Variants in DLG1 observed in about 807,000 individuals in gnomAD.
The protein encoded by DLG1 is disks large homolog 1.
A neutral mutation model predicts 123.4 loss-of-function variants in DLG1; 42 were observed. The observed-to-expected ratio is 0.34, with a 90% CI of 0.27 to 0.44. The LOEUF (loss-of-function observed/expected upper bound fraction) is 0.44, where lower values mean the gene tolerates loss of function less well. Among genes scored for constraint, DLG1 ranks in the 20% least tolerant of loss-of-function variants. The pLI is 1.00. For missense variants in DLG1, 942 were observed against 1,082.6 expected, an observed-to-expected ratio of 0.87 and a Z score of 1.82; for synonymous variants, 317 against 356.2, an observed-to-expected ratio of 0.89 and a Z score of 1.24.
intron 5 of DLG1, chr3:197,183,937 T>C (rs770862129): frequency 8.4e-6 from 12 of 1,435,212 alleles, no homozygotes; most frequent in Non-Finnish European, 1.0e-5. Flanking sequence ...AATAAAAACC[T>C]TGAGAAATGA....
At chr3:197,108,217 G>A (rs1424226909) in intron 13 of DLG1, among the ~76,000 whole-genome samples, 1 of 152,000 alleles carries the variant, frequency 6.6e-6, no homozygotes, top group South Asian at 2.1e-4. Flanking sequence ...TTATTTTGTT[G>A]ATTTTTACAT....
chr3:197,197,008 C>A (rs1722892011), intron 4 of DLG1, among the ~76,000 whole-genome samples: 2 of 152,176 alleles, frequency 1.3e-5, no homozygotes, highest in Admixed American at 1.3e-4. Context: ...AAAAAAGCCT[C>A]ATTCTTGAAA....
chr3:197,065,615 A>T, intron 21 of DLG1, 93 bp downstream of exon 21: 1 of 1,048,530 alleles, frequency 9.5e-7, no homozygotes, highest in South Asian at 1.5e-5. Flanking sequence ...AATAAGTACA[A>T]ACCATTAAAA....
At chr3:197,154,722 T>G (rs1360600125) in intron 5 of DLG1, among the ~76,000 whole-genome samples, 1 of 151,840 alleles carries the variant, frequency 6.6e-6, no homozygotes, top group Non-Finnish European at 1.5e-5. Flanking sequence ...AAGAAAGTGC[T>G]GTATGAACGA....
intron 4 of DLG1, among the ~76,000 whole-genome samples, chr3:197,229,328 A>T (rs966110250): frequency 2.6e-5 from 4 of 151,528 alleles, no homozygotes; most frequent in African/African-American, 9.7e-5. Context: ...GTCCATCTCT[A>T]AAAAAAATAT....
intron 4 of DLG1, among the ~76,000 whole-genome samples, chr3:197,249,585 C>A (rs551901039): frequency 2.0e-4 from 30 of 152,022 alleles, no homozygotes; most frequent in Non-Finnish European, 3.7e-4. Flanking sequence ...CACTGTGATT[C>A]CAAAACCAGA....
At chr3:197,050,466 TATACAACAATGGA>T in intron 24 of DLG1, among the ~76,000 whole-genome samples, 1 of 152,042 alleles carries the variant, frequency 6.6e-6, no homozygotes, top group East Asian at 1.9e-4. Context: ...ATATGGTATA[TATACAACAATGGA>T]ATATTTTATT....
intron 11 of DLG1, among the ~76,000 whole-genome samples, chr3:197,122,233 T>C (rs999506595): frequency 2.0e-5 from 3 of 152,006 alleles, no homozygotes; most frequent in Admixed American, 6.6e-5. Context: ...AGAAAAATCA[T>C]CTCCATAAAT....
At chr3:197,071,492 T>C (rs1743936304) in intron 18 of DLG1, among the ~76,000 whole-genome samples, 1 of 152,132 alleles carries the variant, frequency 6.6e-6, no homozygotes. Context: ...CTGCAGGTTC[T>C]TTCAAATATC....
chr3:197,207,608 A>T (rs1729258740), intron 4 of DLG1, among the ~76,000 whole-genome samples: 1 of 152,234 alleles, frequency 6.6e-6, no homozygotes, highest in Non-Finnish European at 1.5e-5. Flanking sequence ...CACAATCTTC[A>T]ACAAATTTTA....
rs759972643 is a variant in DLG1, at chr3:197,136,537, C to T, written c.1020+5G>A. The T allele has an allele frequency of 6.2e-7, 1 of 1,603,842 alleles. No homozygotes were observed. The highest frequency in any genetic ancestry group is 8.5e-7 in the Non-Finnish European group (1 of 1,176,124). On this transcript the variant is annotated splice_donor_5th_base_variant and intron_variant, in intron 10 of 24. Transcript: ENST00000667157. ...TTTAAAAGACAATAGATTTCTTATA[C>T]TTACTGCTAAAAGTTTATCTCCAAT...
intron 4 of DLG1, among the ~76,000 whole-genome samples, chr3:197,253,667 C>G (rs952283229): frequency 2.6e-5 from 4 of 151,990 alleles, no homozygotes; most frequent in African/African-American, 9.7e-5. Context: ...GAGAACAGAT[C>G]AGTGGTTGCT....
At chr3:197,147,794 C>T (rs527764994) in intron 6 of DLG1, among the ~76,000 whole-genome samples, 3 of 150,832 alleles carry the variant, frequency 2.0e-5, no homozygotes, top group Admixed American at 1.3e-4. Context: ...AAACAACACC[C>T]GCTCCCTAAA....
chr3:197,106,331 G>GA (rs1392848093), intron 13 of DLG1, among the ~76,000 whole-genome samples: 2 of 152,090 alleles, frequency 1.3e-5, no homozygotes, highest in African/African-American at 4.8e-5. Flanking sequence ...ACTTGAACCT[G>GA]GGAGGCGGAA....
chr3:197,289,610 G>C (rs1278024652), intron 3 of DLG1, among the ~76,000 whole-genome samples: 1 of 152,034 alleles, frequency 6.6e-6, no homozygotes, highest in East Asian at 1.9e-4. Context: ...TTTACTAAAA[G>C]CAAGTATGAT....
intron 4 of DLG1, among the ~76,000 whole-genome samples, chr3:197,236,802 T>C (rs1468737617): frequency 6.6e-6 from 1 of 152,248 alleles, no homozygotes; most frequent in African/African-American, 2.4e-5. Context: ...AAATGCTAAG[T>C]ATACTTTAGC....
At chr3:197,052,445 ACT>A (rs1281860123) in intron 23 of DLG1, among the ~76,000 whole-genome samples, 1 of 152,154 alleles carries the variant, frequency 6.6e-6, no homozygotes, top group African/African-American at 2.4e-5. Context: ...ACAGAGCGAG[ACT>A]CTGTCTCCAC....
At chr3:197,212,593 C>T (rs4916465) in intron 4 of DLG1, among the ~76,000 whole-genome samples, 24,397 of 152,182 alleles carry the variant, frequency 0.16, 2,147 homozygotes, top group African/African-American at 0.23. Flanking sequence ...TGATCTCTGC[C>T]TTCATCTTCA....
chr3:197,170,988 GA>G (rs1803909122), intron 5 of DLG1, among the ~76,000 whole-genome samples: 1 of 152,134 alleles, frequency 6.6e-6, no homozygotes, highest in African/African-American at 2.4e-5. Context: ...AGATGGCAAG[GA>G]AAAGTATCAA....
Sources: gnomAD v4.1 joint callset for allele counts (sites outside exome capture counted in the v4.1 genomes callset) on GRCh38, gnomAD v4.1.1 for gene constraint, MANE v1.5 for transcripts, NCBI Gene and HGNC (gene_info 2026-07-23, HGNC 2026-07-21) for gene names.